Variants in UBE4B observed in about 807,000 individuals in gnomAD.
The protein encoded by UBE4B is ubiquitination factor E4B.
UBE4B carries 27 observed loss-of-function variants against 148.1 expected under a neutral mutation model. That is an observed-to-expected ratio of 0.18 (90% CI 0.13 to 0.25). The LOEUF (loss-of-function observed/expected upper bound fraction) is 0.25, where lower values mean the gene tolerates loss of function less well. Among genes scored for constraint, UBE4B ranks in the 10% least tolerant of loss-of-function variants. The pLI is 1.00. For synonymous variants in UBE4B, 596 were observed against 619.3 expected, an observed-to-expected ratio of 0.96 and a Z score of 0.56; for missense variants, 1,170 against 1,662.4, an observed-to-expected ratio of 0.70 and a Z score of 5.15.
chr1:10,102,154 T>G (rs748107505), intron 4 of UBE4B, among the ~76,000 whole-genome samples: 44 of 152,124 alleles, frequency 2.9e-4, no homozygotes, highest in Admixed American at 9.8e-4. Context: ...CTCCTAGTGG[T>G]GCAGTGCTTT....
At chr1:10,167,103 G>T (rs1199003648) in intron 23 of UBE4B, among the ~76,000 whole-genome samples, 1 of 151,814 alleles carries the variant, frequency 6.6e-6, no homozygotes, top group Non-Finnish European at 1.5e-5. Flanking sequence ...CTGCACTCTA[G>T]CCTGGGTGAC....
chr1:10,099,414 G>A (rs1644975248), intron 3 of UBE4B, among the ~76,000 whole-genome samples: 1 of 151,986 alleles, frequency 6.6e-6, no homozygotes, highest in Non-Finnish European at 1.5e-5. Flanking sequence ...TTAACATATG[G>A]TACCTAGGAA....
chr1:10,110,612 G>GT (rs759691132), intron 7 of UBE4B, among the ~76,000 whole-genome samples: 9 of 152,124 alleles, frequency 5.9e-5, no homozygotes, highest in Non-Finnish European at 1.2e-4. Flanking sequence ...GGAGGAAAAT[G>GT]TTTCTAATTG....
At chr1:10,123,010 G>T (rs541562701) in intron 10 of UBE4B, among the ~76,000 whole-genome samples, 105 of 152,304 alleles carry the variant, frequency 6.9e-4, no homozygotes, top group African/African-American at 2.2e-3. Context: ...TCCAGTTAGT[G>T]TTGTGTATTC....
intron 7 of UBE4B, among the ~76,000 whole-genome samples, chr1:10,109,060 C>T (rs1645170631): frequency 6.6e-6 from 1 of 152,104 alleles, no homozygotes; most frequent in African/African-American, 2.4e-5. Context: ...TCTCTCCCTA[C>T]TAGGAGGAAT....
intron 4 of UBE4B, among the ~76,000 whole-genome samples, chr1:10,102,019 A>G (rs1645020724): frequency 6.6e-6 from 1 of 151,284 alleles, no homozygotes; most frequent in Admixed American, 6.6e-5. Context: ...ATAGATAATT[A>G]CATCACTTTC....
intron 3 of UBE4B, among the ~76,000 whole-genome samples, chr1:10,097,746 G>A (rs927944604): frequency 6.6e-6 from 1 of 152,096 alleles, no homozygotes; most frequent in Admixed American, 6.6e-5. Context: ...GGAGGTGGAG[G>A]TTGCTGTGAC....
intron 2 of UBE4B, among the ~76,000 whole-genome samples, chr1:10,087,738 G>A (rs932535850): frequency 2.6e-5 from 4 of 152,150 alleles, no homozygotes; most frequent in Non-Finnish European, 5.9e-5. Flanking sequence ...AGTGCTGGCC[G>A]TGTTTCTCCA....
chr1:10,056,764 G>C (rs1321131483), intron 1 of UBE4B, among the ~76,000 whole-genome samples: 1 of 152,182 alleles, frequency 6.6e-6, no homozygotes, highest in Non-Finnish European at 1.5e-5. Flanking sequence ...GATGGGGCCT[G>C]GGGTAGCACT....
intron 21 of UBE4B, among the ~76,000 whole-genome samples, chr1:10,153,812 A>G (rs148152253): frequency 0.017 from 2,654 of 151,934 alleles, 34 homozygotes; most frequent in Non-Finnish European, 0.027. Context: ...GGCCTGGCAC[A>G]GTGGCTCACG....
chr1:10,112,295 T>C (rs777746019), intron 7 of UBE4B, among the ~76,000 whole-genome samples: 2 of 152,240 alleles, frequency 1.3e-5, no homozygotes, highest in Non-Finnish European at 2.9e-5. Flanking sequence ...TATGACATAT[T>C]TCCAAGATTT....
At chr1:10,054,565 T>C in intron 1 of UBE4B, 1 of 304,990 alleles carries the variant, frequency 3.3e-6, no homozygotes, top group Admixed American at 3.9e-5. Context: ...TTTTCCTTCA[T>C]GAGTTTTAGG....
chr1:10,172,023 G>C (rs192225984), intron 25 of UBE4B, among the ~76,000 whole-genome samples: 1 of 152,280 alleles, frequency 6.6e-6, no homozygotes, highest in East Asian at 1.9e-4. Context: ...AAAAGAGCCC[G>C]GTTTCTCAAG....
At chr1:10,121,896 T>G in intron 9 of UBE4B, 66 bp from the exon 10 acceptor site, 3 of 1,032,252 alleles carry the variant, frequency 2.9e-6, no homozygotes, top group Non-Finnish European at 4.3e-6. Context: ...GTTGCTGACA[T>G]GACATTTCAC....
chr1:10,075,581 G>A (rs1465907096), intron 2 of UBE4B, among the ~76,000 whole-genome samples: 1 of 152,140 alleles, frequency 6.6e-6, no homozygotes, highest in Non-Finnish European at 1.5e-5. Context: ...GTTCTTGCCC[G>A]GGTACCTCTA....
chr1:10,086,924 G>A (rs1187552265), intron 2 of UBE4B, among the ~76,000 whole-genome samples: 2 of 152,030 alleles, frequency 1.3e-5, no homozygotes, highest in Non-Finnish European at 2.9e-5. Flanking sequence ...TCCTGATCTC[G>A]GCCTCCCAAA....
At chr1:10,071,996 TTA>T in intron 1 of UBE4B, 30 bp from the exon 2 acceptor site, 1 of 1,540,032 alleles carries the variant, frequency 6.5e-7, no homozygotes, top group Non-Finnish European at 8.7e-7. Context: ...TGCTGATTAG[TTA>T]TAGAATGCCC....
rs550890321 is a variant in UBE4B, at chr1:10,080,810, A to G, written c.211+8596A>G. Among the ~76,000 whole-genome samples, 4 of 152,356 alleles carry G rather than the reference A, an allele frequency of 2.6e-5. No individual in the cohort carries two copies. The East Asian group carries it at 7.7e-4, about 29-fold the overall frequency. The stretch of plus-strand genomic sequence containing the variant: ...ATGCTAAGTGAAATAAGCCAGGCAC[A>G]GAAAGGCAAATATTGCATGTTTTCA... On this transcript the variant is annotated intron_variant, in intron 2 of 27. Transcript: ENST00000343090.
intron 25 of UBE4B, 114 bp from the exon 26 acceptor site, chr1:10,178,530 G>A: frequency 9.3e-7 from 1 of 1,073,764 alleles, no homozygotes. Context: ...TAATTTTAGG[G>A]CTTTTTTAGT....
Sources: allele counts gnomAD v4.1 joint callset (sites outside exome capture counted in the v4.1 genomes callset), GRCh38; gene constraint gnomAD v4.1.1; transcripts MANE v1.5; gene names NCBI Gene and HGNC (gene_info 2026-07-23, HGNC 2026-07-21).